Variants in SLC25A14 observed in about 807,000 individuals in gnomAD.
SLC25A14 encodes the protein brain mitochondrial carrier protein 1.
In SLC25A14, 8 loss-of-function variants were observed where a neutral mutation model predicts 28.1. The ratio of observed to expected loss-of-function variants is 0.28; its 90% CI spans 0.17 to 0.51. The LOEUF (loss-of-function observed/expected upper bound fraction) is 0.51. SLC25A14 is among the 20% of genes least tolerant of loss of function. The pLI, the probability that SLC25A14 is intolerant of heterozygous loss-of-function variation, is 0.97. For missense variants in SLC25A14, 135 were observed against 263.8 expected, an observed-to-expected ratio of 0.51 and a Z score of 3.38; for synonymous variants, 74 against 90.6, an observed-to-expected ratio of 0.82 and a Z score of 1.04.
chrX:130,362,541 A>G (rs976033493), intron 7 of SLC25A14, among the ~76,000 whole-genome samples: 5 of 112,020 alleles, frequency 4.5e-5, no homozygotes, highest in African/African-American at 1.6e-4. Flanking sequence ...ATGAAAATTA[A>G]CATCTCTTAT....
chrX:130,350,866 TTGAAAAA>T, intron 6 of SLC25A14, 135 bp downstream of exon 6: 1 of 372,802 alleles, frequency 2.7e-6, no homozygotes, highest in Non-Finnish European at 4.7e-6. Flanking sequence ...ATTTCATCAT[TTGAAAAA>T]TGAATATAAT....
intron 2 of SLC25A14, among the ~76,000 whole-genome samples, chrX:130,342,441 T>G (rs2033289021): frequency 9.0e-6 from 1 of 111,707 alleles, no homozygotes. Flanking sequence ...TCAAGAAACA[T>G]GAGATGTAAG....
At chrX:130,371,762 G>T in intron 10 of SLC25A14, 118 bp downstream of exon 10, 2 of 492,449 alleles carry the variant, frequency 4.1e-6, no homozygotes, top group South Asian at 3.5e-5. Context: ...GCATCCCATT[G>T]GTGACCCTTG....
At chrX:130,359,352 C>CA (rs55826694) in intron 7 of SLC25A14, among the ~76,000 whole-genome samples, 602 of 24,946 alleles carry the variant, frequency 0.024, 5 homozygotes, top group Non-Finnish European at 0.03. Context: ...GACTCTGTCT[C>CA]AAAAAAAAAA....
intron 7 of SLC25A14, 45 bp downstream of exon 7, chrX:130,358,780 C>T (rs993888730): frequency 3.3e-5 from 31 of 932,214 alleles, no homozygotes; most frequent in Non-Finnish European, 4.1e-5. Flanking sequence ...TCAGTTCCTA[C>T]AATTTGCAGA....
rs149301346 is a variant in SLC25A14 at position 130,345,949 on chromosome X, C to G, written c.170-595C>G. 7.5e-4 allele frequency among the ~76,000 whole-genome samples: 83 copies of G among 111,405 alleles called. No homozygotes were observed. The East Asian group carries it at 0.02, about 27-fold the overall frequency. ...AGGTTTGGTTAAAGAAATTTCCCCCCCAAACACTCTGCTGGTATTAGTCCT... is the reference window on the plus strand; with the variant it reads ...AGGTTTGGTTAAAGAAATTTCCCCCGCAAACACTCTGCTGGTATTAGTCCT... On this transcript the variant is annotated intron_variant, in intron 3 of 10. Coordinates refer to ENST00000545805, the MANE Select transcript of SLC25A14 (RefSeq NM_001282195.2).
intron 3 of SLC25A14, 52 bp from the exon 4 acceptor site, chrX:130,346,492 A>T (rs2033444047): frequency 9.3e-7 from 1 of 1,074,868 alleles, no homozygotes; most frequent in African/African-American, 1.8e-5. Flanking sequence ...TTTAGCAACA[A>T]CTTAACTGTG....
intron 7 of SLC25A14, among the ~76,000 whole-genome samples, chrX:130,359,798 G>A (rs1414372483): frequency 9.0e-6 from 1 of 111,027 alleles, no homozygotes; most frequent in Non-Finnish European, 1.9e-5. Context: ...GGCTGTTAAA[G>A]TTTGATCGTA....
intron 6 of SLC25A14, 23 bp from the exon 7 acceptor site, chrX:130,358,617 A>G: frequency 1.0e-6 from 1 of 1,003,772 alleles, no homozygotes; most frequent in Non-Finnish European, 1.4e-6. Context: ...ACAAAATAAG[A>G]TGTTCACCTC....
chrX:130,345,341 T>A lies in SLC25A14; in HGVS notation c.169+66T>A, dbSNP rs774901397. Reference sequence around the variant, plus strand: ...AGATGGTAGCTTATGATGATGGTTATTTTTGGTGAAAGCTAGGTAAAAAAT... The same window carrying A: ...AGATGGTAGCTTATGATGATGGTTAATTTTGGTGAAAGCTAGGTAAAAAAT... On this transcript the variant is annotated intron_variant, in intron 3 of 10. Coordinates refer to ENST00000545805, the MANE Select transcript of SLC25A14 (RefSeq NM_001282195.2). The A allele has an allele frequency of 5.0e-5, 35 of 703,962 alleles. No homozygotes were observed. In the East Asian group the frequency reaches 1.1e-3, roughly 22 times the overall value. The allele number at this position is 703,962 out of a possible 1,213,427, so 58.0% of individuals were successfully genotyped here.
chrX:130,368,019 T>C (rs993444168), intron 9 of SLC25A14, among the ~76,000 whole-genome samples: 1 of 112,469 alleles, frequency 8.9e-6, no homozygotes, highest in Admixed American at 9.4e-5. Context: ...AACCTCGTGA[T>C]CCACCCGCCT....
chrX:130,372,867 T>G lies in SLC25A14; in HGVS notation c.937-42T>G, dbSNP rs766768151. The G allele has an allele frequency of 1.3e-5, 13 of 998,367 alleles. No homozygotes were observed. In the Admixed American group the frequency reaches 1.6e-4, roughly 12 times the overall value. The allele number at this position is 998,367 out of a possible 1,213,427, so 82.3% of individuals were successfully genotyped here. On this transcript the variant is annotated intron_variant, in intron 10 of 10. Transcript: ENST00000545805. ...TGCTAATTTTAGAACTAGCTTTGGC[T>G]TTCGATATCAACCTGGTGATCTTCC...
chrX:130,348,471 A>G (rs1460698552), intron 4 of SLC25A14, among the ~76,000 whole-genome samples: 1 of 110,870 alleles, frequency 9.0e-6, no homozygotes, highest in Non-Finnish European at 1.9e-5. Context: ...ATTTATGAGT[A>G]TAAAGTTGTT....
chrX:130,340,425 C>G (rs979229177), intron 2 of SLC25A14, 72 bp downstream of exon 2: 185 of 1,113,300 alleles, frequency 1.7e-4, no homozygotes, highest in Non-Finnish European at 2.1e-4. Context: ...TTTCTACCCC[C>G]TGTCACTCCT....
At chrX:130,367,504 CAA>C (rs763087672) in intron 9 of SLC25A14, among the ~76,000 whole-genome samples, 14 of 111,331 alleles carry the variant, frequency 1.3e-4, no homozygotes, top group Non-Finnish European at 2.3e-4. Flanking sequence ...AGCCCTGACT[CAA>C]GAGAGGGTTC....
rs1273839063 is a variant in SLC25A14, at chrX:130,340,366, C to T, written c.75+13C>T. 5 of 1,208,595 alleles carry T rather than the reference C, an allele frequency of 4.1e-6. No homozygotes were observed. The highest frequency in any genetic ancestry group is 5.6e-6 in the Non-Finnish European group (5 of 893,904). On this transcript the variant is annotated intron_variant, in intron 2 of 10. Coordinates refer to ENST00000545805, the MANE Select transcript of SLC25A14 (RefSeq NM_001282195.2). ...GATTGTAAGCGGAGTAAGCAAACAC[C>T]TCCATTGTATTAGTGTAAGGGATAC... is the stretch of plus-strand genomic sequence containing the variant.
chrX:130,342,268 A>G (rs1304245600), intron 2 of SLC25A14, among the ~76,000 whole-genome samples: 1 of 111,819 alleles, frequency 8.9e-6, no homozygotes, highest in East Asian at 2.8e-4. Flanking sequence ...GTGACACAAC[A>G]CGCATGCATG....
At chrX:130,355,642 A>G (rs1310735207) in intron 6 of SLC25A14, among the ~76,000 whole-genome samples, 1 of 112,098 alleles carries the variant, frequency 8.9e-6, no homozygotes, top group African/African-American at 3.2e-5. Flanking sequence ...CATTAGTAAC[A>G]TCTAATAATC....
In SLC25A14 at chrX:130,343,247, C is replaced by G. The variant is rs922118558; in HGVS notation, c.76-1935C>G. 2.7e-5 allele frequency among the ~76,000 whole-genome samples: 3 copies of G among 112,174 alleles called. No individual in the cohort carries two copies. In the Admixed American group the frequency reaches 2.8e-4, roughly 11 times the overall value. ...GAATGGAGAGTTAATTTTTTCCTCA[C>G]AAACTCAAAGAGGGGATATGCCATG... On this transcript the variant is annotated intron_variant, in intron 2 of 10. Coordinates refer to ENST00000545805, the MANE Select transcript of SLC25A14 (RefSeq NM_001282195.2).
Sources: allele counts gnomAD v4.1 joint callset (sites outside exome capture counted in the v4.1 genomes callset), GRCh38; gene constraint gnomAD v4.1.1; transcripts MANE v1.5; gene names NCBI Gene and HGNC (gene_info 2026-07-23, HGNC 2026-07-21).